The following AGBL1 variants were observed in gnomAD, a reference collection of about 807,000 sequenced individuals.
AGBL1 encodes the protein cytosolic carboxypeptidase 4.
In AGBL1, 130 loss-of-function variants were observed where a neutral mutation model predicts 118.9. The observed-to-expected ratio is 1.09, with a 90% CI of 0.95 to 1.26. The LOEUF (loss-of-function observed/expected upper bound fraction) is 1.26. Among genes scored for constraint, AGBL1 ranks in the 50% most tolerant of loss-of-function variants. The pLI, the probability that AGBL1 is intolerant of heterozygous loss-of-function variation, is 0.00. For missense variants in AGBL1, 1,584 were observed against 1,298.1 expected (o/e 1.22, Z -3.38); for synonymous variants, 555 against 478.9 (o/e 1.16, Z -2.08).
chr15:86,219,970 T>TTA (rs1555450415), intron 5 of AGBL1, among the ~76,000 whole-genome samples: 1 of 145,830 alleles, frequency 6.9e-6, no homozygotes, highest in African/African-American at 2.6e-5. Context: ...TTTTTTTTTT[T>TTA]AGATGGAGTT....
rs1279845143 is a variant in AGBL1 at position 86,639,911 on chromosome 15, CCTTAT to C, written c.2995-34358_2995-34354del. On this transcript the variant is annotated intron_variant, in intron 21 of 22. Coordinates refer to ENST00000614907, the MANE Select transcript of AGBL1 (RefSeq NM_001386094.1). ...GGCTGCAAACTCCTTGAAAGCTTGT[CCTTAT>C]CTTCTGCTTTCTTGTATTTCCCAAC... Among the ~76,000 whole-genome samples, 11 of 152,080 alleles carry C rather than the reference CCTTAT, an allele frequency of 7.2e-5. No individual in the cohort carries two copies. The South Asian group carries it at 2.1e-3, about 29-fold the overall frequency.
At chr15:86,752,723 C>A (rs796249540) in intron 22 of AGBL1, among the ~76,000 whole-genome samples, 3 of 152,044 alleles carry the variant, frequency 2.0e-5, no homozygotes, top group Non-Finnish European at 2.9e-5. Context: ...AGAATAGATA[C>A]CTTTGAAGCC....
chr15:86,873,312 T>C (rs1219994261), intron 22 of AGBL1, among the ~76,000 whole-genome samples: 1 of 152,164 alleles, frequency 6.6e-6, no homozygotes, highest in Non-Finnish European at 1.5e-5. Context: ...CTCGGTATTA[T>C]ATAAAGGGGT....
chr15:86,291,379 C>T (rs959005348), intron 16 of AGBL1, among the ~76,000 whole-genome samples: 2 of 148,698 alleles, frequency 1.3e-5, no homozygotes, highest in African/African-American at 5.2e-5. Context: ...CACACAGAGA[C>T]ACATACACAC....
At chr15:86,557,584 G>A (rs149495351) in intron 21 of AGBL1, among the ~76,000 whole-genome samples, 2 of 152,222 alleles carry the variant, frequency 1.3e-5, no homozygotes, top group African/African-American at 4.8e-5. Flanking sequence ...CTTGTATTGT[G>A]GGACCTTCCT....
chr15:86,575,400 T>G (rs2084076235), intron 21 of AGBL1, among the ~76,000 whole-genome samples: 1 of 151,810 alleles, frequency 6.6e-6, no homozygotes, highest in Admixed American at 6.6e-5. Context: ...CAAGGGAGGC[T>G]GAGGCAGGAG....
At chr15:87,019,206 T>TATCA (rs2081637946) in intron 24 of AGBL1, among the ~76,000 whole-genome samples, 1 of 151,712 alleles carries the variant, frequency 6.6e-6, no homozygotes, top group South Asian at 2.1e-4. Flanking sequence ...TTATTAGACA[T>TATCA]ATCATCAAGG....
At chr15:86,897,697 G>A (rs2080148134) in intron 22 of AGBL1, among the ~76,000 whole-genome samples, 1 of 146,790 alleles carries the variant, frequency 6.8e-6, no homozygotes, top group Non-Finnish European at 1.5e-5. Flanking sequence ...TGTGATTATG[G>A]TTTCCATAAA....
intron 22 of AGBL1, among the ~76,000 whole-genome samples, chr15:86,854,150 G>A (rs967865213): frequency 4.6e-5 from 7 of 152,018 alleles, no homozygotes; most frequent in African/African-American, 1.2e-4. Flanking sequence ...TCCCATTCAC[G>A]GTGTCTCACT....
At chr15:86,775,825 A>G (rs774179635) in intron 22 of AGBL1, among the ~76,000 whole-genome samples, 4 of 152,158 alleles carry the variant, frequency 2.6e-5, no homozygotes, top group Non-Finnish European at 4.4e-5. Flanking sequence ...ACAGACACCT[A>G]TGTACTCAGC....
At chr15:86,103,581 A>G (rs540208638) in intron 1 of AGBL1, among the ~76,000 whole-genome samples, 1 of 152,246 alleles carries the variant, frequency 6.6e-6, no homozygotes, top group East Asian at 1.9e-4. Context: ...GGGTGTGTGC[A>G]GTAGTATAGT....
chr15:86,922,114 A>G (rs1236663306), intron 23 of AGBL1, among the ~76,000 whole-genome samples: 1 of 152,114 alleles, frequency 6.6e-6, no homozygotes, highest in Non-Finnish European at 1.5e-5. Flanking sequence ...AGGTATAACT[A>G]GTTTATAATC....
At chr15:86,495,399 TA>T (rs144325939) in intron 18 of AGBL1, among the ~76,000 whole-genome samples, 72 of 147,104 alleles carry the variant, frequency 4.9e-4, no homozygotes, top group African/African-American at 1.5e-3. Flanking sequence ...ATCTTTTTTT[TA>T]AAAAAAAAAC....
exon 24 of AGBL1, chr15:86,988,009 C>G (rs2081301160): frequency 6.2e-7 from 1 of 1,613,442 alleles, no homozygotes; most frequent in African/African-American, 1.3e-5. Context: ...CAATTTCCTG[C>G]CAAAGCATAT....
intron 21 of AGBL1, among the ~76,000 whole-genome samples, chr15:86,563,562 A>G (rs200813207): frequency 1.8e-5 from 1 of 56,028 alleles, no homozygotes; most frequent in African/African-American, 7.1e-5. Context: ...TTTACTTCCA[A>G]CTATGGACTA....
chr15:86,154,631 A>T, intron 4 of AGBL1, 70 bp downstream of exon 4: 1 of 1,521,834 alleles, frequency 6.6e-7, no homozygotes. Context: ...AAACTGCATG[A>T]GGGTCTGGTT....
At chr15:86,536,736 G>T (rs780681559) in intron 19 of AGBL1, among the ~76,000 whole-genome samples, 2 of 152,158 alleles carry the variant, frequency 1.3e-5, no homozygotes. Flanking sequence ...GAAAATAGGA[G>T]GGTAACCGCT....
intron 21 of AGBL1, among the ~76,000 whole-genome samples, chr15:86,565,695 C>A (rs1032319114): frequency 6.6e-6 from 1 of 152,228 alleles, no homozygotes; most frequent in African/African-American, 2.4e-5. Context: ...GAGATTTCTG[C>A]TGCCTTTTGT....
chr15:86,976,172 TTATG>T (rs1359779022), intron 23 of AGBL1, among the ~76,000 whole-genome samples: 2 of 150,400 alleles, frequency 1.3e-5, no homozygotes, highest in African/African-American at 2.4e-5. Flanking sequence ...TTTTACTTAT[TTATG>T]TATTAATAAA....
Sources: gnomAD v4.1 joint callset for allele counts (sites outside exome capture counted in the v4.1 genomes callset) on GRCh38, gnomAD v4.1.1 for gene constraint, MANE v1.5 for transcripts, NCBI Gene and HGNC (gene_info 2026-07-23, HGNC 2026-07-21) for gene names.